Variants in ERICH1 observed in about 807,000 individuals in gnomAD.
ERICH1 encodes the protein glutamate-rich protein 1.
In ERICH1, 56 loss-of-function variants were observed where a neutral mutation model predicts 39.6. That is an observed-to-expected ratio of 1.41 (90% CI 1.14 to 1.77). The LOEUF (loss-of-function observed/expected upper bound fraction) is 1.77, where lower values mean the gene tolerates loss of function less well. Among genes scored for constraint, ERICH1 ranks in the 40% most tolerant of loss-of-function variants. ERICH1 has a pLI of 0.00. For missense variants in ERICH1, 826 were observed against 575.4 expected (o/e 1.44, Z -4.45); for synonymous variants, 313 against 223.6 (o/e 1.40, Z -3.57).
downstream of ERICH1, among the ~76,000 whole-genome samples, chr8:660,571 C>G (rs906572711): frequency 1.3e-5 from 2 of 152,246 alleles, no homozygotes; most frequent in African/African-American, 2.4e-5. Context: ...GTACTGAATC[C>G]CCACCCAAAG....
chr8:637,770 A>C (rs1364656634), intron 3 of ERICH1, among the ~76,000 whole-genome samples: 1 of 152,216 alleles, frequency 6.6e-6, no homozygotes, highest in African/African-American at 2.4e-5. Flanking sequence ...ACGGCTGCTC[A>C]GTTGGGGAGT....
At chr8:643,602 C>T (rs1172041959) in intron 3 of ERICH1, among the ~76,000 whole-genome samples, 1 of 151,724 alleles carries the variant, frequency 6.6e-6, no homozygotes, top group Non-Finnish European at 1.5e-5. Flanking sequence ...AAACCACATT[C>T]CCGCCAAGTC....
chr8:715,732 T>G, intron 2 of ERICH1, 129 bp downstream of exon 2: 1 of 1,280,318 alleles, frequency 7.8e-7, no homozygotes. Context: ...CCTGCCCACC[T>G]GCTGCAGGCC....
chr8:693,279 G>T (rs111917600), intron 2 of ERICH1, among the ~76,000 whole-genome samples: 2 of 152,064 alleles, frequency 1.3e-5, no homozygotes, highest in Non-Finnish European at 2.9e-5. Flanking sequence ...TACATCTTCA[G>T]GAGATCGTGT....
intron 4 of ERICH1, among the ~76,000 whole-genome samples, chr8:672,856 G>A (rs887089270): frequency 6.6e-6 from 1 of 152,242 alleles, no homozygotes; most frequent in Non-Finnish European, 1.5e-5. Context: ...CGCAAGCTGT[G>A]TTTCCTTCAC....
chr8:632,581 G>A (rs1056218749), intron 3 of ERICH1, among the ~76,000 whole-genome samples: 2 of 152,102 alleles, frequency 1.3e-5, no homozygotes, highest in East Asian at 1.9e-4. Flanking sequence ...GAATACTTAA[G>A]GAATTTACAA....
Position 629,943 on chromosome 8 carries a change from G to A in ERICH1, c.977-14659C>T, listed in dbSNP as rs985119859. On this transcript the variant is annotated intron_variant, in intron 3 of 3. Coordinates refer to the ERICH1 transcript ENST00000522706. ...ACCCTCCCGTGACCACCCACACAGA[G>A]CTGACTCACACCCTCCTGTGACCAC... 1.0e-3 allele frequency among the ~76,000 whole-genome samples: 103 copies of A among 103,322 alleles called. 1 individual carries two copies. Among genetic ancestry groups the A allele is most frequent in the Admixed American group, 1.1e-3 (10 of 8,858 alleles). 67.8% of individuals were successfully genotyped at this position (103,322 alleles called of 152,430 possible). A position where few individuals can be genotyped will look rare whatever the true frequency, so the allele number is the denominator to read the frequency against.
intron 3 of ERICH1, among the ~76,000 whole-genome samples, chr8:618,279 G>T (rs905153317): frequency 6.6e-6 from 1 of 151,734 alleles, no homozygotes; most frequent in Admixed American, 6.6e-5. Context: ...AGTGCTTGGT[G>T]TTTGGTCCAT....
At chr8:620,869 G>C (rs1173684694) in intron 3 of ERICH1, among the ~76,000 whole-genome samples, 3 of 151,606 alleles carry the variant, frequency 2.0e-5, no homozygotes, top group African/African-American at 7.3e-5. Context: ...ATTATTTATA[G>C]AATGAATAGG....
At chr8:668,935 G>C (rs1802730827) in intron 4 of ERICH1, 143 bp from the exon 5 acceptor site, 3 of 743,242 alleles carry the variant, frequency 4.0e-6, no homozygotes, top group South Asian at 1.9e-5. Context: ...GCTACCAGAA[G>C]AGAGAATCAG....
At chr8:697,587 C>G (rs1023716469) in intron 2 of ERICH1, among the ~76,000 whole-genome samples, 4 of 152,142 alleles carry the variant, frequency 2.6e-5, no homozygotes, top group African/African-American at 9.7e-5. Context: ...GAGCTGGAGG[C>G]CTGAGGGTGG....
intron 3 of ERICH1, chr8:626,964 G>A (rs1797623761): frequency 5.2e-6 from 2 of 381,630 alleles, no homozygotes; most frequent in African/African-American, 2.1e-5. Context: ...CCCGAGCTGT[G>A]CCGTGGAGGA....
intron 1 of ERICH1, among the ~76,000 whole-genome samples, chr8:723,005 C>T (rs557222908): frequency 2.0e-5 from 3 of 152,218 alleles, no homozygotes; most frequent in Non-Finnish European, 4.4e-5. Context: ...ATGTGAGCTC[C>T]AGTGTTGAAG....
At chr8:636,045 C>T (rs1256984324) in intron 3 of ERICH1, among the ~76,000 whole-genome samples, 1 of 152,260 alleles carries the variant, frequency 6.6e-6, no homozygotes, top group Non-Finnish European at 1.5e-5. Flanking sequence ...AGGCTGTGGG[C>T]TCCTTCATGC....
At chr8:615,959 T>C (rs11781454) in intron 3 of ERICH1, 28,003 of 152,452 alleles carry the variant, frequency 0.18, 2,799 homozygotes, top group East Asian at 0.31. Context: ...AAGTTACAAT[T>C]TTCCAGATGA....
downstream of ERICH1, among the ~76,000 whole-genome samples, chr8:662,221 T>C (rs1388124008): frequency 6.6e-6 from 1 of 152,286 alleles, no homozygotes; most frequent in Non-Finnish European, 1.5e-5. Context: ...CAATGGTGCA[T>C]TCACTTGCAG....
chr8:658,018 C>T (rs6993769), intron 3 of ERICH1, among the ~76,000 whole-genome samples: 74,733 of 152,102 alleles, frequency 0.49, 18,424 homozygotes, highest in East Asian at 0.54. Flanking sequence ...GGGCCCCACC[C>T]GATCCCCACG....
intron 3 of ERICH1, among the ~76,000 whole-genome samples, chr8:625,272 C>A (rs990983005): frequency 2.0e-5 from 3 of 152,216 alleles, no homozygotes; most frequent in Non-Finnish European, 2.9e-5. Context: ...ATGATCTACT[C>A]AAACAATGGA....
chr8:640,974 C>G (rs1798906006), intron 3 of ERICH1: 1 of 152,174 alleles, frequency 6.6e-6, no homozygotes, highest in Admixed American at 6.5e-5. Context: ...ACAAAACACT[C>G]CAGGATAGTT....
Sources: allele counts gnomAD v4.1 joint callset (sites outside exome capture counted in the v4.1 genomes callset), GRCh38; gene constraint gnomAD v4.1.1; transcripts MANE v1.5; gene names NCBI Gene and HGNC (gene_info 2026-07-23, HGNC 2026-07-21).